Variants in ENTREP2 observed in about 807,000 individuals in gnomAD.
ENTREP2 encodes protein ENTREP2.
chr15:29,431,014 T>C, the ENTREP2 span, among the ~76,000 whole-genome samples: 1 of 152,146 alleles, frequency 6.6e-6, no homozygotes, highest in Admixed American at 6.5e-5. Context: ...TTGCCCTAAA[T>C]ATACCCCATT....
At chr15:29,389,437 A>G in the ENTREP2 span, among the ~76,000 whole-genome samples, 2 of 151,956 alleles carry the variant, frequency 1.3e-5, no homozygotes, top group African/African-American at 2.4e-5. Flanking sequence ...CCAATCCTGG[A>G]AACACTGACA....
the ENTREP2 span, among the ~76,000 whole-genome samples, chr15:29,353,722 T>C: frequency 1.3e-5 from 2 of 152,208 alleles, no homozygotes; most frequent in Non-Finnish European, 2.9e-5. Context: ...AGGTAGGTTC[T>C]ATCATTTTCC....
the ENTREP2 span, chr15:29,266,323 TAAACAAAAACA>T: frequency 6.6e-6 from 1 of 152,156 alleles, no homozygotes; most frequent in South Asian, 2.1e-4. Context: ...GAGGGATTGG[TAAACAAAAACA>T]AAACAAAACT....
At chr15:29,561,137 C>T in the ENTREP2 span, among the ~76,000 whole-genome samples, 1 of 146,926 alleles carries the variant, frequency 6.8e-6, no homozygotes. Context: ...GGAACAATTT[C>T]TCTGCTGGTG....
At chr15:29,623,086 C>T in the ENTREP2 span, among the ~76,000 whole-genome samples, 15 of 152,310 alleles carry the variant, frequency 9.8e-5, no homozygotes, top group South Asian at 3.1e-3. Context: ...GTTAAATTAT[C>T]TTTGGACAAA....
At chr15:29,470,925 C>T in the ENTREP2 span, among the ~76,000 whole-genome samples, 1 of 152,220 alleles carries the variant, frequency 6.6e-6, no homozygotes, top group East Asian at 1.9e-4. Context: ...TTCACATTAG[C>T]AACCACTATT....
At chr15:29,600,960 C>G in the ENTREP2 span, among the ~76,000 whole-genome samples, 1 of 137,244 alleles carries the variant, frequency 7.3e-6, no homozygotes, top group East Asian at 2.1e-4. Context: ...TGCAGTGGCG[C>G]GATCTCTGCT....
chr15:29,440,381 T>C, the ENTREP2 span, among the ~76,000 whole-genome samples: 1 of 152,256 alleles, frequency 6.6e-6, no homozygotes, highest in South Asian at 2.1e-4. Flanking sequence ...ATCCTACATG[T>C]GGGGAAATAT....
At chr15:29,126,557 G>C in the ENTREP2 span, 2 of 1,401,912 alleles carry the variant, frequency 1.4e-6, no homozygotes, top group African/African-American at 2.9e-5. Flanking sequence ...GGACAGGCCT[G>C]CCCCTCAAAC....
the ENTREP2 span, among the ~76,000 whole-genome samples, chr15:29,155,117 C>A: frequency 8.1e-6 from 1 of 123,322 alleles, no homozygotes; most frequent in African/African-American, 2.5e-5. Flanking sequence ...CCCGTCTCTA[C>A]TAAAAATACA....
At chr15:29,571,773 A>C in the ENTREP2 span, among the ~76,000 whole-genome samples, 1 of 152,194 alleles carries the variant, frequency 6.6e-6, no homozygotes, top group Non-Finnish European at 1.5e-5. Context: ...GAAATCCTGC[A>C]AGTTTTGATT....
At chr15:29,490,177 C>T in the ENTREP2 span, among the ~76,000 whole-genome samples, 2 of 152,242 alleles carry the variant, frequency 1.3e-5, no homozygotes, top group East Asian at 1.9e-4. Flanking sequence ...TTCTTAAAGG[C>T]CGGTGCATCT....
At chr15:29,630,713 AG>A in the ENTREP2 span, among the ~76,000 whole-genome samples, 1 of 152,138 alleles carries the variant, frequency 6.6e-6, no homozygotes, top group East Asian at 1.9e-4. Flanking sequence ...TTTGAGACAC[AG>A]TCTTGCTCTG....
the ENTREP2 span, among the ~76,000 whole-genome samples, chr15:29,324,106 AT>A: frequency 0.47 from 70,449 of 149,828 alleles, 18,947 homozygotes; most frequent in African/African-American, 0.76. Flanking sequence ...ACATAGTAGA[AT>A]TTTTTTTTTT....
At chr15:29,568,164 G>A in the ENTREP2 span, among the ~76,000 whole-genome samples, 18 of 152,244 alleles carry the variant, frequency 1.2e-4, no homozygotes, top group African/African-American at 4.3e-4. Context: ...ACACTGTACC[G>A]TACTGAAAGA....
chr15:29,634,020 G>A, the ENTREP2 span, among the ~76,000 whole-genome samples: 2 of 152,076 alleles, frequency 1.3e-5, no homozygotes, highest in African/African-American at 4.8e-5. Context: ...TCTTACCTGG[G>A]TTCTGCCAGT....
At chr15:29,388,538 C>T in the ENTREP2 span, among the ~76,000 whole-genome samples, 1 of 152,148 alleles carries the variant, frequency 6.6e-6, no homozygotes, top group East Asian at 1.9e-4. Flanking sequence ...CTAGTTCAAC[C>T]ATTGTGGAAG....
chr15:29,226,165 G>C, the ENTREP2 span, among the ~76,000 whole-genome samples: 1 of 152,304 alleles, frequency 6.6e-6, no homozygotes, highest in South Asian at 2.1e-4. Context: ...TTAATCCACT[G>C]AATCAAAGAA....
chr15:29,622,886 G>A, the ENTREP2 span, among the ~76,000 whole-genome samples: 6 of 152,314 alleles, frequency 3.9e-5, no homozygotes, highest in East Asian at 1.2e-3. Context: ...GCGGTGTGAG[G>A]CTGAGGCTTG....
Sources: allele counts gnomAD v4.1 joint callset (sites outside exome capture counted in the v4.1 genomes callset), GRCh38; gene constraint gnomAD v4.1.1; transcripts MANE v1.5; gene names NCBI Gene and HGNC (gene_info 2026-07-23, HGNC 2026-07-21).